Variants in FNDC1 observed in about 807,000 individuals in gnomAD.
FNDC1 encodes fibronectin type III domain containing 1.
FNDC1 carries 96 observed loss-of-function variants against 168.0 expected under a neutral mutation model. The ratio of observed to expected loss-of-function variants is 0.57; its 90% confidence interval spans 0.48 to 0.68. The LOEUF (loss-of-function observed/expected upper bound fraction) is 0.68. Among genes scored for constraint, FNDC1 ranks in the 30% least tolerant of loss-of-function variants. The pLI, the probability that FNDC1 is intolerant of heterozygous loss-of-function variation, is 0.00. For synonymous variants in FNDC1, 1,099 were observed against 1,025.9 expected, an observed-to-expected ratio of 1.07 and a Z score of -1.36; for missense variants, 2,587 against 2,482.1, an observed-to-expected ratio of 1.04 and a Z score of -0.90.
chr6:159,204,660 C>G (rs905987831), intron 4 of FNDC1, among the ~76,000 whole-genome samples: 4 of 152,180 alleles, frequency 2.6e-5, no homozygotes, highest in African/African-American at 9.7e-5. Context: ...CTGCCAGGAC[C>G]CCCAGCTATC....
chr6:159,183,219 T>A (rs1311993196), intron 1 of FNDC1, among the ~76,000 whole-genome samples: 1 of 152,222 alleles, frequency 6.6e-6, no homozygotes, highest in Non-Finnish European at 1.5e-5. Flanking sequence ...GAAACTTGAG[T>A]GGCATATTTG....
At chr6:159,184,330 T>C (rs1431122798) in intron 1 of FNDC1, among the ~76,000 whole-genome samples, 4 of 152,256 alleles carry the variant, frequency 2.6e-5, no homozygotes, top group African/African-American at 7.2e-5. Flanking sequence ...CTTTCCTTTC[T>C]TTTTTACTTC....
At chr6:159,190,989 G>A (rs1782125750) in intron 1 of FNDC1, among the ~76,000 whole-genome samples, 1 of 152,196 alleles carries the variant, frequency 6.6e-6, no homozygotes, top group East Asian at 1.9e-4. Flanking sequence ...TCTTCAGGCT[G>A]TACAGGAAGC....
rs749343312 is a variant in FNDC1, at chr6:159,233,484, G to C, written c.2972G>C (p.Ser991Thr). ...PPAARSQQHP[S>T]VPRRMTPGRA... The stretch of plus-strand genomic sequence containing the variant: ...GCAGCACGGTCACAGCAGCATCCCA[G>C]TGTTCCCAGAAGGATGACACCCGGC... Residue 991 changes from serine (S) to threonine (T), a missense_variant, in exon 11 of 23, where the codon AGT (serine) becomes ACT (threonine). Physicochemically the swap from Ser to Thr is moderately conservative, Grantham distance 58. Coordinates refer to ENST00000297267, the MANE Select transcript of FNDC1 (RefSeq NM_032532.3). The surrounding 1 kb of genome is among the most constrained non-coding windows in gnomAD (Gnocchi z 4.6). 6.2e-7 allele frequency: 1 copy of C among 1,605,080 alleles called. No homozygotes were observed. The highest frequency in any genetic ancestry group is 8.5e-7 in the Non-Finnish European group (1 of 1,178,546).
chr6:159,271,627 C>T lies in FNDC1; in HGVS notation c.*185C>T, dbSNP rs549942427. 1 of 543,760 alleles carries T rather than the reference C, an allele frequency of 1.8e-6. No individual in the cohort carries two copies. Among genetic ancestry groups the T allele is most frequent in the South Asian group, 2.2e-5 (1 of 45,856 alleles). 33.7% of individuals were successfully genotyped at this position (543,760 alleles called of 1,614,324 possible). On this transcript the variant is annotated 3_prime_UTR_variant, in exon 23 of 23. Coordinates refer to ENST00000297267, the MANE Select transcript of FNDC1 (RefSeq NM_032532.3). Reference sequence around the variant, plus strand: ...ACTCAGTCCCACTTCTTGGCCTGGACAATGAACAGGATTCAGTTTTGCTGT... The same window carrying T: ...ACTCAGTCCCACTTCTTGGCCTGGATAATGAACAGGATTCAGTTTTGCTGT...
chr6:159,187,352 C>T (rs1009229109), intron 1 of FNDC1, among the ~76,000 whole-genome samples: 2 of 152,186 alleles, frequency 1.3e-5, no homozygotes, highest in African/African-American at 4.8e-5. Flanking sequence ...TCTGACCTGA[C>T]AAAGCGCTGG....
chr6:159,230,598 T>C (rs1783060020), intron 10 of FNDC1, among the ~76,000 whole-genome samples: 1 of 152,354 alleles, frequency 6.6e-6, no homozygotes, highest in Non-Finnish European at 1.5e-5. Flanking sequence ...AATGCAGCTG[T>C]ACCCAGAAGG....
At chr6:159,250,553 A>G (rs920364863) in intron 16 of FNDC1, among the ~76,000 whole-genome samples, 6 of 152,204 alleles carry the variant, frequency 3.9e-5, no homozygotes, top group African/African-American at 1.2e-4. Context: ...TATAATAGAA[A>G]GAGTTAAGGG....
intron 7 of FNDC1, among the ~76,000 whole-genome samples, chr6:159,224,291 G>GTT (rs1448220191): frequency 6.6e-6 from 1 of 152,186 alleles, no homozygotes; most frequent in Non-Finnish European, 1.5e-5. Context: ...AAGTCCACTA[G>GTT]TGAACATCAT....
intron 5 of FNDC1, chr6:159,218,439 G>A (rs1782750844): frequency 6.6e-6 from 1 of 152,302 alleles, no homozygotes; most frequent in Admixed American, 6.5e-5. Context: ...GCTCCTGGAA[G>A]CTTGCCCCGT....
In FNDC1 at chr6:159,239,873, C is replaced by G. The variant is rs1294093171; in HGVS notation, c.4537C>G (p.Pro1513Ala). Residue 1513 changes from proline to alanine, a missense_variant, in exon 14 of 23, where the codon CCC becomes GCC. Coordinates refer to ENST00000297267, the MANE Select transcript of FNDC1 (RefSeq NM_032532.3). ...ACCCACCACTCCCATCCCCACCTGT[C>G]CCCCTGGGACCTTGGAACGGCACGA... ...PTPTTPIPTC[P>A]PGTLERHDDD... 2.6e-6 allele frequency: 4 copies of G among 1,545,316 alleles called. No individual in the cohort carries two copies. The highest frequency in any genetic ancestry group is 1.4e-5 in the African/African-American group (1 of 72,910).
intron 1 of FNDC1, among the ~76,000 whole-genome samples, chr6:159,187,634 A>G (rs1328046900): frequency 6.6e-6 from 1 of 152,152 alleles, no homozygotes; most frequent in Non-Finnish European, 1.5e-5. Flanking sequence ...AAATTTTACT[A>G]GTATTAGTTT....
In FNDC1 at chr6:159,234,394, G is replaced by C; in HGVS notation, c.3882G>C (p.Pro1294=). Residue 1294 remains proline (P), a synonymous_variant, in exon 11 of 23, where the codon CCG becomes CCC. Coordinates refer to ENST00000297267, the MANE Select transcript of FNDC1 (RefSeq NM_032532.3). Reference sequence around the variant, plus strand: ...CACCTGGCCACTTCTCCACCACCCCGATGCTGTCCTTGCGCCAGAGGATGA... The same window carrying C: ...CACCTGGCCACTTCTCCACCACCCCCATGCTGTCCTTGCGCCAGAGGATGA... The part of the protein sequence containing the change: ...RAPPGHFSTT[P]MLSLRQRMMH... 1.9e-6 allele frequency: 3 copies of C among 1,613,506 alleles called. No homozygotes were observed. Among genetic ancestry groups the C allele is most frequent in the Non-Finnish European group, 2.5e-6 (3 of 1,179,776 alleles).
intron 1 of FNDC1, among the ~76,000 whole-genome samples, chr6:159,195,710 G>C (rs576851052): frequency 2.5e-4 from 38 of 152,332 alleles, no homozygotes; most frequent in African/African-American, 9.1e-4. Flanking sequence ...TCATGTGTCA[G>C]TAATAAAAGT....
At chr6:159,216,008 C>G (rs1782702557) in intron 5 of FNDC1, among the ~76,000 whole-genome samples, 1 of 152,046 alleles carries the variant, frequency 6.6e-6, no homozygotes, top group Non-Finnish European at 1.5e-5. Context: ...GTCTCCCAGG[C>G]TGGAGTGCAG....
chr6:159,178,670 A>G (rs1334860106), intron 1 of FNDC1, among the ~76,000 whole-genome samples: 1 of 151,726 alleles, frequency 6.6e-6, no homozygotes, highest in Non-Finnish European at 1.5e-5. Context: ...ACCTTTTGAG[A>G]TTGTCCAAAG....
intron 1 of FNDC1, among the ~76,000 whole-genome samples, chr6:159,194,387 T>A (rs959168688): frequency 8.5e-5 from 13 of 152,246 alleles, no homozygotes; most frequent in African/African-American, 3.1e-4. Flanking sequence ...AAAGAATGTA[T>A]CCTATATCAT....
At chr6:159,249,296 C>A in intron 16 of FNDC1, 114 bp downstream of exon 16, 1 of 1,017,648 alleles carries the variant, frequency 9.8e-7, no homozygotes, top group South Asian at 1.7e-5. Context: ...GAAGTTTTTC[C>A]AGAATGAAGT....
chr6:159,215,906 C>T (rs1782700751), intron 5 of FNDC1, among the ~76,000 whole-genome samples: 1 of 152,104 alleles, frequency 6.6e-6, no homozygotes, highest in African/African-American at 2.4e-5. Context: ...AGCCCACTGA[C>T]TTAAATGTTA....
Sources: gnomAD v4.1 joint callset for allele counts (sites outside exome capture counted in the v4.1 genomes callset) on GRCh38, gnomAD v4.1.1 for gene constraint, Gnocchi (gnomAD v3.1) non-coding constraint, MANE v1.5 for transcripts, NCBI Gene and HGNC (gene_info 2026-07-23, HGNC 2026-07-21) for gene names.